The following CCDC40 variants were observed in gnomAD, a reference collection of about 807,000 sequenced individuals.
CCDC40 encodes coiled-coil domain 40 molecular ruler complex subunit.
In CCDC40, 104 loss-of-function variants were observed where a neutral mutation model predicts 124.5. The observed-to-expected ratio is 0.84, with a 90% confidence interval of 0.71 to 0.98. The LOEUF (loss-of-function observed/expected upper bound fraction) is 0.98, where lower values mean the gene tolerates loss of function less well. CCDC40 is among the 50% of genes least tolerant of loss of function. CCDC40 has a pLI of 0.00. For missense variants in CCDC40, 1,463 were observed against 1,503.9 expected (o/e 0.97, Z 0.45); for synonymous variants, 580 against 602.9 (o/e 0.96, Z 0.56).
chr17:80,052,795 A>G (rs2037634895), intron 7 of CCDC40, among the ~76,000 whole-genome samples: 2 of 152,200 alleles, frequency 1.3e-5, no homozygotes, highest in Admixed American at 1.3e-4. Flanking sequence ...TAAAAATATA[A>G]TCATCATCCC....
Position 80,095,525 on chromosome 17 carries a change from C to A in CCDC40, c.3021+74C>A, listed in dbSNP as rs1561810. On this transcript the variant is annotated intron_variant, in intron 18 of 19. Transcript: ENST00000397545. ...TTCAAGGAACACTCCAGGAAGGCGT[C>A]TTGCTGGGTCCGGGGTGAGGATGCA... 0.2 allele frequency: 294,852 copies of A among 1,448,582 alleles called. 31,294 individuals carry two copies. Among genetic ancestry groups the A allele is most frequent in the African/African-American group, 0.31 (22,224 of 71,436 alleles). 89.7% of individuals were successfully genotyped at this position (1,448,582 alleles called of 1,614,324 possible). A position where few individuals can be genotyped will look rare whatever the true frequency, so the allele number is the denominator to read the frequency against.
intron 7 of CCDC40, among the ~76,000 whole-genome samples, chr17:80,053,261 G>C (rs770648582): frequency 6.6e-6 from 1 of 152,160 alleles, no homozygotes; most frequent in Non-Finnish European, 1.5e-5. Flanking sequence ...CAAATACCAC[G>C]GCAAAAGAAA....
intron 9 of CCDC40, among the ~76,000 whole-genome samples, chr17:80,059,913 A>G (rs2037854638): frequency 6.6e-6 from 1 of 152,158 alleles, no homozygotes; most frequent in Non-Finnish European, 1.5e-5. Flanking sequence ...CTGGGCTCCC[A>G]GGGTAAAGGG....
At chr17:80,072,956 C>T (rs1048280631) in intron 10 of CCDC40, among the ~76,000 whole-genome samples, 2 of 151,392 alleles carry the variant, frequency 1.3e-5, no homozygotes, top group Non-Finnish European at 2.9e-5. Flanking sequence ...TTCAGTGTGC[C>T]TCGCTTTCTC....
chr17:80,046,476 T>A (rs2037422599), intron 3 of CCDC40, among the ~76,000 whole-genome samples: 1 of 151,626 alleles, frequency 6.6e-6, no homozygotes, highest in Admixed American at 6.6e-5. Flanking sequence ...GGGGTTGCAG[T>A]GAGCTATGAT....
At chr17:80,063,358 G>C (rs984819319) in intron 9 of CCDC40, among the ~76,000 whole-genome samples, 9 of 152,152 alleles carry the variant, frequency 5.9e-5, no homozygotes, top group Non-Finnish European at 7.4e-5. Flanking sequence ...TGCATAGGCT[G>C]AACACTTGCC....
chr17:80,087,331 C>T lies in CCDC40; in HGVS notation c.2450-276C>T. ...CTGGCCCTCCCACACGCCCTGCCCA[C>T]ACCTGCTGGCTGTCCCCACAGGCAG... On this transcript the variant is annotated intron_variant, in intron 14 of 19. Transcript: ENST00000397545. The surrounding 1 kb of genome is among the most constrained non-coding windows in gnomAD (Gnocchi z 4.5). 2 of 512,914 alleles carry T rather than the reference C, an allele frequency of 3.9e-6. No individual in the cohort carries two copies. The highest frequency in any genetic ancestry group is 3.6e-5 in the East Asian group (1 of 27,712). 31.8% of individuals were successfully genotyped at this position (512,914 alleles called of 1,614,324 possible). A position where few individuals can be genotyped will look rare whatever the true frequency, so the allele number is the denominator to read the frequency against.
At chr17:80,097,513 G>A (rs373566463) in intron 19 of CCDC40, 110 bp downstream of exon 19, 12 of 1,147,502 alleles carry the variant, frequency 1.0e-5, no homozygotes, top group East Asian at 2.5e-5. Context: ...ATCAGGTCAC[G>A]GCCTCTCCTG....
In CCDC40 at chr17:80,048,761, C is replaced by T. The variant is rs200034484; in HGVS notation, c.855C>T (p.His285=). The change falls in exon 5 of 20, where the codon CAC becomes CAT. Residue 285 remains histidine, a splice_region_variant and synonymous_variant. Coordinates refer to ENST00000397545, the MANE Select transcript of CCDC40 (RefSeq NM_017950.4). ...AGCTGGTGGTTTTGGACCCAGACCA[C>T]GTAAGGAAGCCTTCCCAGGTTTTGC... is the stretch of plus-strand genomic sequence containing the variant. ...GSQLVVLDPD[H]PLMVRFQAAL... 14 of 1,606,304 alleles carry T rather than the reference C, an allele frequency of 8.7e-6. No individual in the cohort carries two copies. Among genetic ancestry groups the T allele is most frequent in the South Asian group, 2.2e-5 (2 of 90,016 alleles).
In CCDC40 at chr17:80,099,664, C is replaced by T; in HGVS notation, c.3318C>T (p.Leu1106=). Residue 1106 remains leucine (L), a synonymous_variant, in exon 20 of 20, where the codon CTC becomes CTT. Coordinates refer to ENST00000397545, the MANE Select transcript of CCDC40 (RefSeq NM_017950.4). ...AGCGCCTGGACAAGCGACTGGCTCT[C>T]ATCGCCACCATCCTGGACCGCGTGC... ...ERQRLDKRLA[L]IATILDRVRD... 6.2e-7 allele frequency: 1 copy of T among 1,613,826 alleles called. No individual in the cohort carries two copies.
At chr17:80,092,849 GCTT>G (rs1303865546) in intron 17 of CCDC40, among the ~76,000 whole-genome samples, 3 of 152,222 alleles carry the variant, frequency 2.0e-5, no homozygotes, top group Non-Finnish European at 4.4e-5. Flanking sequence ...GTCACGAAGA[GCTT>G]CTCTTCTGTT....
rs563812552 is a variant in CCDC40, at chr17:80,052,839, G to GA, written c.1159+2557dup. ...CAGAGGCGCCAACTGGTAGTCTCAT[G>GA]AGATTTTAGAGGACATTGCATCCAT... On this transcript the variant is annotated intron_variant, in intron 7 of 19. Transcript: ENST00000397545. Among the ~76,000 whole-genome samples the GA allele has an allele frequency of 3.9e-3, 588 of 152,258 alleles. 4 individuals carry two copies. Among genetic ancestry groups the GA allele is most frequent in the African/African-American group, 0.014 (573 of 41,530 alleles).
In CCDC40 at chr17:80,081,572, C is replaced by T. The variant is rs2038449740; in HGVS notation, c.1589C>T (p.Thr530Ile). 1 of 1,613,690 alleles carries T rather than the reference C, an allele frequency of 6.2e-7. No homozygotes were observed. The change falls in exon 11 of 20, where the codon ACC becomes ATC. Residue 530 changes from threonine (T) to isoleucine (I), a missense_variant. Transcript: ENST00000397545. ...LRGCQHQAKS[T>I]DGEIEAYKKS... ...GGATGCCAGCATCAAGCCAAATCCA[C>T]CGACGGCGAGATTGAGGCCTATAAG... is the stretch of plus-strand genomic sequence containing the variant.
intron 16 of CCDC40, among the ~76,000 whole-genome samples, chr17:80,089,180 T>G (rs2038649092): frequency 6.6e-6 from 1 of 152,208 alleles, no homozygotes; most frequent in Non-Finnish European, 1.5e-5. Flanking sequence ...CTTGAAGCAC[T>G]TTAGTATTTT....
At chr17:80,041,675 T>C (rs953258513) in intron 3 of CCDC40, among the ~76,000 whole-genome samples, 1 of 152,156 alleles carries the variant, frequency 6.6e-6, no homozygotes, top group Non-Finnish European at 1.5e-5. Flanking sequence ...CCTCAGTCTT[T>C]CCTTGACAAC....
At chr17:80,088,290 C>T in intron 16 of CCDC40, 188 bp downstream of exon 16, 1 of 645,698 alleles carries the variant, frequency 1.5e-6, no homozygotes, top group Non-Finnish European at 2.8e-6. Flanking sequence ...CTTGCTCTAT[C>T]CCACAGGCTG....
chr17:80,048,294 A>G, intron 4 of CCDC40: 1 of 450,810 alleles, frequency 2.2e-6, no homozygotes, highest in Non-Finnish European at 4.1e-6. Flanking sequence ...CCACTAGTTA[A>G]GTGGCCACCT....
At chr17:80,067,007 A>G (rs1171673299) in intron 10 of CCDC40, 1 of 153,054 alleles carries the variant, frequency 6.5e-6, no homozygotes, top group Non-Finnish European at 1.5e-5. Flanking sequence ...TCCTGCCCCA[A>G]TGCTAGGACT....
chr17:80,046,807 T>C (rs1454760409), intron 3 of CCDC40, among the ~76,000 whole-genome samples: 2 of 152,180 alleles, frequency 1.3e-5, no homozygotes, highest in African/African-American at 4.8e-5. Flanking sequence ...TAAGAAAATG[T>C]CTTCCCTTCA....
Sources: allele counts gnomAD v4.1 joint callset (sites outside exome capture counted in the v4.1 genomes callset), GRCh38; gene constraint gnomAD v4.1.1; non-coding constraint Gnocchi (gnomAD v3.1); transcripts MANE v1.5; gene names NCBI Gene and HGNC (gene_info 2026-07-23, HGNC 2026-07-21).